Variants in CHRM3 observed in about 807,000 individuals in gnomAD.
The protein encoded by CHRM3 is cholinergic receptor muscarinic 3.
In CHRM3, 11 loss-of-function variants were observed where a neutral mutation model predicts 41.8. That is an observed-to-expected ratio of 0.26 (90% confidence interval 0.17 to 0.44). The LOEUF is 0.44. CHRM3 is among the 20% of genes least tolerant of loss of function. CHRM3 has a pLI of 1.00. For missense variants in CHRM3, 571 were observed against 745.4 expected (o/e 0.77, Z 2.72); for synonymous variants, 297 against 301.4 (o/e 0.99, Z 0.15).
At chr1:239,457,023 A>C (rs940544463) in intron 1 of CHRM3, among the ~76,000 whole-genome samples, 1 of 152,164 alleles carries the variant, frequency 6.6e-6, no homozygotes, top group African/African-American at 2.4e-5. Flanking sequence ...TCCAGTTCTG[A>C]GGGAAAGCCA....
At chr1:239,796,189 A>G (rs1014921582) in intron 5 of CHRM3, among the ~76,000 whole-genome samples, 6 of 152,162 alleles carry the variant, frequency 3.9e-5, no homozygotes, top group Non-Finnish European at 7.3e-5. Flanking sequence ...TTGCACTTCT[A>G]TGTAGGTACT....
At chr1:239,866,636 T>G (rs1313113433) in intron 6 of CHRM3, among the ~76,000 whole-genome samples, 1 of 152,182 alleles carries the variant, frequency 6.6e-6, no homozygotes, top group East Asian at 1.9e-4. Flanking sequence ...TTATATTGGT[T>G]GTTATATTAG....
At chr1:239,472,702 A>G (rs1296423881) in intron 1 of CHRM3, among the ~76,000 whole-genome samples, 2 of 150,694 alleles carry the variant, frequency 1.3e-5, no homozygotes, top group Admixed American at 6.6e-5. Flanking sequence ...AGGGAGGGGG[A>G]CAACACCCAC....
At position 239,492,782 on chromosome 1, in the gene CHRM3, C is replaced by T. The variant is rs2148073325; in HGVS notation, c.-447C>T. On this transcript the variant is annotated 5_prime_UTR_variant, in exon 2 of 7. Coordinates refer to ENST00000676153, the MANE Select transcript of CHRM3 (RefSeq NM_001375978.1). Reference sequence around the variant, plus strand: ...CCATTGCCCTGGCAGAGGGAACCTACCCAGTCCATTGCTGCCTGCTACAAG... The same window carrying T: ...CCATTGCCCTGGCAGAGGGAACCTATCCAGTCCATTGCTGCCTGCTACAAG... The T allele has an allele frequency of 6.6e-6, 1 of 152,368 alleles. No individual in the cohort carries two copies. The highest frequency in any genetic ancestry group is 2.1e-4 in the South Asian group (1 of 4,830). 9.4% of individuals were successfully genotyped at this position (152,368 alleles called of 1,614,324 possible).
At chr1:239,722,638 T>C (rs1391317200) in intron 5 of CHRM3, among the ~76,000 whole-genome samples, 1 of 151,876 alleles carries the variant, frequency 6.6e-6, no homozygotes, top group African/African-American at 2.4e-5. Flanking sequence ...GTATTGGAAT[T>C]GACAATCTTC....
At chr1:239,503,872 G>T (rs926413676) in intron 2 of CHRM3, among the ~76,000 whole-genome samples, 1 of 152,102 alleles carries the variant, frequency 6.6e-6, no homozygotes, top group Non-Finnish European at 1.5e-5. Flanking sequence ...ACATGTAGGA[G>T]AATGAAACTG....
At position 239,875,866 on chromosome 1, in the gene CHRM3, A is replaced by G. The variant is rs12121920; in HGVS notation, c.-19-31567A>G. The stretch of plus-strand genomic sequence containing the variant: ...ATATCAAATGAATTAAAAGGCAGCA[A>G]TTTACATTGAATTGCTCCCCCATTC... On this transcript the variant is annotated intron_variant, in intron 6 of 6. Transcript: ENST00000676153. Among the ~76,000 whole-genome samples, 1,289 of 152,252 alleles carry G rather than the reference A, an allele frequency of 8.5e-3. 8 individuals carry two copies. The highest frequency in any genetic ancestry group is 0.015 in the South Asian group (72 of 4,826).
chr1:239,449,747 TGTGTGTGC>T (rs1041833878), intron 1 of CHRM3, among the ~76,000 whole-genome samples: 1 of 150,376 alleles, frequency 6.6e-6, no homozygotes, highest in African/African-American at 2.5e-5. Context: ...TGTGTGTGTG[TGTGTGTGC>T]GTGTGTGTGT....
chr1:239,874,299 A>ATATATCTCTATATACACAGTG (rs1553291948), intron 6 of CHRM3, among the ~76,000 whole-genome samples: 1 of 116,702 alleles, frequency 8.6e-6, no homozygotes, highest in Admixed American at 9.1e-5. Flanking sequence ...ATATATATAT[A>ATATATCTCTATATACACAGTG]TATATATATA....
intron 6 of CHRM3, among the ~76,000 whole-genome samples, chr1:239,893,547 A>G (rs1333288165): frequency 6.6e-6 from 1 of 152,162 alleles, no homozygotes; most frequent in Non-Finnish European, 1.5e-5. Context: ...AGTGGAAATC[A>G]TAACAGTCCC....
chr1:239,744,917 A>G (rs1187488764), intron 5 of CHRM3, among the ~76,000 whole-genome samples: 1 of 152,130 alleles, frequency 6.6e-6, no homozygotes, highest in Non-Finnish European at 1.5e-5. Flanking sequence ...TGAGAAGGTC[A>G]AGAAGCAGAA....
At chr1:239,396,948 A>C (rs1209601410) in intron 1 of CHRM3, among the ~76,000 whole-genome samples, 1 of 152,226 alleles carries the variant, frequency 6.6e-6, no homozygotes. Flanking sequence ...ATCTGCTTAA[A>C]ATGGCCTAGC....
chr1:239,818,846 A>G (rs901297845), intron 5 of CHRM3, among the ~76,000 whole-genome samples: 2 of 152,164 alleles, frequency 1.3e-5, no homozygotes, highest in Non-Finnish European at 2.9e-5. Flanking sequence ...TACCCTCCTA[A>G]CAGGGTTAAA....
chr1:239,477,147 A>G (rs979041639), intron 1 of CHRM3, among the ~76,000 whole-genome samples: 29 of 152,242 alleles, frequency 1.9e-4, no homozygotes, highest in Admixed American at 7.9e-4. Context: ...AGTGAATTAA[A>G]TTAGTGCTTC....
intron 1 of CHRM3, among the ~76,000 whole-genome samples, chr1:239,404,404 GAAAGAA>G (rs1308566694): frequency 0.038 from 2,154 of 56,720 alleles, 64 homozygotes; most frequent in Non-Finnish European, 0.044. Flanking sequence ...AAGAAAGAAA[GAAAGAA>G]AAAGAAAGAA....
chr1:239,740,765 G>A (rs905903345), intron 5 of CHRM3, among the ~76,000 whole-genome samples: 4 of 152,078 alleles, frequency 2.6e-5, no homozygotes, highest in Admixed American at 1.3e-4. Context: ...ACCATAATGA[G>A]ATACCATTTC....
intron 2 of CHRM3, among the ~76,000 whole-genome samples, chr1:239,538,703 C>T (rs1257226049): frequency 3.3e-5 from 5 of 152,184 alleles, no homozygotes; most frequent in African/African-American, 9.6e-5. Context: ...TACAACTGGT[C>T]TTTAAAGTTT....
At chr1:239,816,732 CT>C (rs11309320) in intron 5 of CHRM3, among the ~76,000 whole-genome samples, 62,288 of 131,172 alleles carry the variant, frequency 0.47, 14,165 homozygotes, top group Admixed American at 0.55. Context: ...GTGCCTCAGT[CT>C]TTTTTTTTTT....
intron 5 of CHRM3, among the ~76,000 whole-genome samples, chr1:239,821,308 G>T (rs1417671929): frequency 6.6e-6 from 1 of 152,218 alleles, no homozygotes; most frequent in African/African-American, 2.4e-5. Context: ...AATGGCATTT[G>T]TAATCTGTGC....
Sources: gnomAD v4.1 joint callset for allele counts (sites outside exome capture counted in the v4.1 genomes callset) on GRCh38, gnomAD v4.1.1 for gene constraint, MANE v1.5 for transcripts, NCBI Gene and HGNC (gene_info 2026-07-23, HGNC 2026-07-21) for gene names.